Variants in OCA2 observed in about 807,000 individuals in gnomAD.
The protein encoded by OCA2 is P protein.
In OCA2, 77 loss-of-function variants were observed where a neutral mutation model predicts 100.2. The ratio of observed to expected loss-of-function variants is 0.77; its 90% CI spans 0.64 to 0.93. OCA2 has a LOEUF of 0.93. Among genes scored for constraint, OCA2 ranks in the 40% least tolerant of loss-of-function variants. The pLI is 0.00. For missense variants in OCA2, 1,062 were observed against 1,089.1 expected, an observed-to-expected ratio of 0.98 and a Z score of 0.35; for synonymous variants, 432 against 439.2, an observed-to-expected ratio of 0.98 and a Z score of 0.21.
chr15:27,775,284 G>A (rs1394284891), intron 23 of OCA2, among the ~76,000 whole-genome samples: 1 of 152,146 alleles, frequency 6.6e-6, no homozygotes. Flanking sequence ...TTGCATCAGT[G>A]AAGCTCGTCC....
At chr15:27,933,724 A>G (rs1372715804) in intron 18 of OCA2, among the ~76,000 whole-genome samples, 1 of 152,160 alleles carries the variant, frequency 6.6e-6, no homozygotes, top group Non-Finnish European at 1.5e-5. Context: ...GAATGTCATG[A>G]GGTCGATGGA....
At chr15:27,897,717 T>G (rs1004374933) in intron 19 of OCA2, among the ~76,000 whole-genome samples, 1 of 152,200 alleles carries the variant, frequency 6.6e-6, no homozygotes, top group African/African-American at 2.4e-5. Flanking sequence ...GGGCACCACC[T>G]AGTGGAGCTG....
At chr15:27,870,860 A>G (rs2036538516) in intron 21 of OCA2, among the ~76,000 whole-genome samples, 1 of 151,916 alleles carries the variant, frequency 6.6e-6, no homozygotes, top group Admixed American at 6.5e-5. Context: ...GCAAGCAAGC[A>G]AGCACAGCCT....
intron 22 of OCA2, among the ~76,000 whole-genome samples, chr15:27,848,161 A>G (rs1175345080): frequency 6.6e-6 from 1 of 152,148 alleles, no homozygotes; most frequent in African/African-American, 2.4e-5. Flanking sequence ...TGGATTCCAC[A>G]TGGCTTTGGT....
chr15:27,986,788 C>T (rs1026188369), intron 11 of OCA2, 145 bp from the exon 12 acceptor site: 59 of 727,730 alleles, frequency 8.1e-5, no homozygotes, highest in Admixed American at 5.3e-4. Flanking sequence ...GCAGAAAGAC[C>T]GTCACTTCCT....
At chr15:27,836,841 T>C (rs2035172024) in intron 23 of OCA2, among the ~76,000 whole-genome samples, 1 of 152,254 alleles carries the variant, frequency 6.6e-6, no homozygotes, top group African/African-American at 2.4e-5. Flanking sequence ...ATTCTCTAGA[T>C]ATTTTTTTCA....
At chr15:28,030,597 G>A (rs2042881611) in intron 3 of OCA2, among the ~76,000 whole-genome samples, 1 of 152,204 alleles carries the variant, frequency 6.6e-6, no homozygotes, top group South Asian at 2.1e-4. Flanking sequence ...GGACAGGAAT[G>A]CACATGGCAT....
chr15:28,056,725 C>T (rs1253928455), intron 2 of OCA2, among the ~76,000 whole-genome samples: 1 of 152,238 alleles, frequency 6.6e-6, no homozygotes, highest in African/African-American at 2.4e-5. Flanking sequence ...CATGTGACAC[C>T]CCAGTGGGGC....
In OCA2 at chr15:28,058,039, C is replaced by T. The variant is rs137890208; in HGVS notation, c.227+23609G>A. ...AGAGCTGGGTACCTGCAGCAGGTCA[C>T]CCTGGCCCACCAAGTGCCCTGGTAC... On this transcript the variant is annotated intron_variant, in intron 2 of 23. Transcript: ENST00000354638. 1.8e-3 allele frequency among the ~76,000 whole-genome samples: 276 copies of T among 152,290 alleles called. 1 individual carries two copies. Among genetic ancestry groups the T allele is most frequent in the Non-Finnish European group, 2.5e-3 (172 of 68,012 alleles).
intron 23 of OCA2, among the ~76,000 whole-genome samples, chr15:27,756,595 C>G (rs1048498157): frequency 2.0e-5 from 3 of 151,844 alleles, no homozygotes; most frequent in African/African-American, 7.3e-5. Flanking sequence ...AATGTCAGCC[C>G]TGATCATTGA....
chr15:27,770,749 C>T (rs1323676328), intron 23 of OCA2, among the ~76,000 whole-genome samples: 1 of 82,040 alleles, frequency 1.2e-5, no homozygotes, highest in South Asian at 2.8e-4. Flanking sequence ...TCTTTTCCTT[C>T]CTTCCTTCCT....
In OCA2 at chr15:28,022,525, C is replaced by T. The variant is rs757022651; in HGVS notation, c.622G>A (p.Ala208Thr). The T allele has an allele frequency of 1.2e-5, 19 of 1,613,656 alleles. No homozygotes were observed. The highest frequency in any genetic ancestry group is 1.6e-5 in the Non-Finnish European group (19 of 1,179,854). Residue 208 changes from alanine to threonine, a missense_variant, in exon 6 of 24, where the codon GCC (alanine) becomes ACC (threonine). Transcript: ENST00000354638. Reference protein sequence around the residue: ...PDQGKLWQLLALSPLENYSVN... With the variant: ...PDQGKLWQLLTLSPLENYSVN... The stretch of plus-strand genomic sequence containing the variant: ...CAGTAGTTCTCCAGCGGTGATAAGG[C>T]CAACAGCTGCCAGAGCTTTCCTTGA...
chr15:27,862,233 G>A (rs1019000138), intron 21 of OCA2, among the ~76,000 whole-genome samples: 1 of 151,364 alleles, frequency 6.6e-6, no homozygotes, highest in Admixed American at 6.6e-5. Flanking sequence ...AGAAAGCATG[G>A]TCGTCAGCCT....
At chr15:27,903,284 C>A (rs2038034127) in intron 19 of OCA2, among the ~76,000 whole-genome samples, 1 of 152,192 alleles carries the variant, frequency 6.6e-6, no homozygotes, top group South Asian at 2.1e-4. Flanking sequence ...ATCTTGTGCT[C>A]CGAAACCCCA....
chr15:27,944,755 T>C (rs2039774232), intron 18 of OCA2, among the ~76,000 whole-genome samples: 1 of 152,156 alleles, frequency 6.6e-6, no homozygotes, highest in Non-Finnish European at 1.5e-5. Flanking sequence ...TTCCCCAAAA[T>C]TGTCCTTGAA....
chr15:28,070,410 C>G lies in OCA2; in HGVS notation c.227+11238G>C, dbSNP rs1010248266. ...ACTGGGAAGTGAGGAGCCCCTCAGCCCGGCCAGCCACCCCGTCCGGGAGGG... is the reference window on the plus strand; with the variant it reads ...ACTGGGAAGTGAGGAGCCCCTCAGCGCGGCCAGCCACCCCGTCCGGGAGGG... On this transcript the variant is annotated intron_variant, in intron 2 of 23. Transcript: ENST00000354638. Among the ~76,000 whole-genome samples the G allele has an allele frequency of 9.7e-5, 13 of 133,372 alleles. 1 individual carries two copies. Among genetic ancestry groups the G allele is most frequent in the Non-Finnish European group, 2.0e-4 (13 of 64,456 alleles). 87.5% of individuals were successfully genotyped at this position (133,372 alleles called of 152,430 possible).
At chr15:28,087,770 G>GT (rs966592744) in intron 1 of OCA2, among the ~76,000 whole-genome samples, 4 of 152,122 alleles carry the variant, frequency 2.6e-5, no homozygotes, top group African/African-American at 9.6e-5. Flanking sequence ...AAAATAAAAA[G>GT]TAAGTCCAGG....
At chr15:28,094,270 C>A (rs2044927120) in intron 1 of OCA2, among the ~76,000 whole-genome samples, 1 of 152,296 alleles carries the variant, frequency 6.6e-6, no homozygotes, top group Non-Finnish European at 1.5e-5. Flanking sequence ...CCCGTGGCTG[C>A]ACTCTCACGG....
intron 15 of OCA2, among the ~76,000 whole-genome samples, chr15:27,961,192 GA>G (rs940773771): frequency 6.6e-6 from 1 of 152,052 alleles, no homozygotes; most frequent in Non-Finnish European, 1.5e-5. Context: ...ACAAACATAT[GA>G]AAAAAAGCTC....
Sources: gnomAD v4.1 joint callset for allele counts (sites outside exome capture counted in the v4.1 genomes callset) on GRCh38, gnomAD v4.1.1 for gene constraint, MANE v1.5 for transcripts, NCBI Gene and HGNC (gene_info 2026-07-23, HGNC 2026-07-21) for gene names.